The following SPON1 variants were observed in gnomAD, a reference collection of about 807,000 sequenced individuals.
The protein encoded by SPON1 is spondin 1.
A neutral mutation model predicts 111.7 loss-of-function variants in SPON1; 52 were observed. That is an observed-to-expected ratio of 0.47 (90% CI 0.37 to 0.59). The LOEUF (loss-of-function observed/expected upper bound fraction) is 0.59, where lower values mean the gene tolerates loss of function less well. SPON1 is among the 20% of genes least tolerant of loss of function. The probability of loss-of-function intolerance (pLI) is 0.00; values close to 1 mark genes in which losing one functional copy is unlikely to be tolerated. For synonymous variants in SPON1, 410 were observed against 395.8 expected, an observed-to-expected ratio of 1.04 and a Z score of -0.43; for missense variants, 957 against 1,068.5, an observed-to-expected ratio of 0.90 and a Z score of 1.46.
Position 13,963,071 on chromosome 11 carries a change from A to G in SPON1, c.167A>G (p.Glu56Gly). 6.4e-7 allele frequency: 1 copy of G among 1,572,588 alleles called. No homozygotes were observed. The highest frequency in any genetic ancestry group is 8.6e-7 in the Non-Finnish European group (1 of 1,161,332). The change falls in exon 1 of 16, where the codon GAG becomes GGG. Residue 56 changes from glutamate (E) to glycine (G), a missense_variant. Transcript: ENST00000576479. ...CTGCGCGCCCAGGGCACGCGGCGCG[A>G]GGGCTACACCGAGTTCAGCCTCCGC... Reference protein sequence around the residue: ...RILRAQGTRREGYTEFSLRVE... With the variant: ...RILRAQGTRRGGYTEFSLRVE...
intron 10 of SPON1, 85 bp downstream of exon 10, chr11:14,256,777 C>A: frequency 9.8e-7 from 1 of 1,018,148 alleles, no homozygotes; most frequent in Non-Finnish European, 1.5e-6. Flanking sequence ...TTTTAAGAAC[C>A]ATAAACCATG....
chr11:14,189,844 C>A (rs1554934392), intron 6 of SPON1, among the ~76,000 whole-genome samples: 2 of 152,142 alleles, frequency 1.3e-5, no homozygotes, highest in Non-Finnish European at 2.9e-5. Context: ...TGTTATTAAA[C>A]TACATCATTT....
chr11:14,203,150 T>C (rs1554935837), intron 6 of SPON1, among the ~76,000 whole-genome samples: 10 of 152,218 alleles, frequency 6.6e-5, no homozygotes, highest in Admixed American at 6.5e-4. Flanking sequence ...AAGCCAATAG[T>C]TACATTTCTA....
chr11:14,201,847 G>C (rs928193838), intron 6 of SPON1, among the ~76,000 whole-genome samples: 3 of 152,076 alleles, frequency 2.0e-5, no homozygotes, highest in Non-Finnish European at 2.9e-5. Flanking sequence ...GTGAAGTGGT[G>C]GGGGGAGTCC....
Position 14,265,606 on chromosome 11 carries a change from A to G in SPON1, c.2343A>G (p.Val781=). Residue 781 remains valine, a synonymous_variant, in exon 16 of 16, where the codon GTA becomes GTG. Transcript: ENST00000576479. ...GGGIQERYMT[V]KKRFKSSQFT... The stretch of plus-strand genomic sequence containing the variant: ...GAATTCAGGAACGTTACATGACTGT[A>G]AAGAAGAGATTCAAAAGCTCCCAGT... 6.2e-7 allele frequency: 1 copy of G among 1,613,774 alleles called. No individual in the cohort carries two copies. Among genetic ancestry groups the G allele is most frequent in the Non-Finnish European group, 8.5e-7 (1 of 1,179,810 alleles).
chr11:14,169,796 A>C (rs1481874984), intron 6 of SPON1, among the ~76,000 whole-genome samples: 1 of 152,164 alleles, frequency 6.6e-6, no homozygotes, highest in South Asian at 2.1e-4. Flanking sequence ...GTCAAAGATC[A>C]GATAGTTGTA....
chr11:14,264,155 T>C (rs1849229264), intron 15 of SPON1, among the ~76,000 whole-genome samples: 1 of 151,898 alleles, frequency 6.6e-6, no homozygotes, highest in Non-Finnish European at 1.5e-5. Flanking sequence ...GGGATGCAGA[T>C]GAAGCACAGA....
intron 5 of SPON1, among the ~76,000 whole-genome samples, chr11:14,094,328 G>C (rs1427710536): frequency 6.6e-6 from 1 of 151,914 alleles, no homozygotes; most frequent in Non-Finnish European, 1.5e-5. Flanking sequence ...CTGGATCAAA[G>C]GATATGGATT....
intron 6 of SPON1, among the ~76,000 whole-genome samples, chr11:14,159,505 C>T (rs1847885911): frequency 6.6e-6 from 1 of 152,086 alleles, no homozygotes; most frequent in African/African-American, 2.4e-5. Context: ...AATAGGGATA[C>T]TATATGATTC....
chr11:14,253,880 C>T (rs1027685271), intron 7 of SPON1, among the ~76,000 whole-genome samples: 5 of 152,208 alleles, frequency 3.3e-5, no homozygotes, highest in Non-Finnish European at 5.9e-5. Flanking sequence ...GAATGTGACT[C>T]TTTCCTTTCC....
Position 14,136,577 on chromosome 11 carries a change from T to A in SPON1, c.825+1009T>A, listed in dbSNP as rs141645123. Among the ~76,000 whole-genome samples the A allele has an allele frequency of 2.3e-3, 355 of 152,154 alleles. 1 individual carries two copies. Among genetic ancestry groups the A allele is most frequent in the African/African-American group, 7.8e-3 (322 of 41,494 alleles). On this transcript the variant is annotated intron_variant, in intron 6 of 15. Coordinates refer to ENST00000576479, the MANE Select transcript of SPON1 (RefSeq NM_006108.4). ...CTGAGGCCCGCAGTGTTCCCCACCATCTGGACTCCAAGCTGCCCACAGACC... is the reference window on the plus strand; with the variant it reads ...CTGAGGCCCGCAGTGTTCCCCACCAACTGGACTCCAAGCTGCCCACAGACC...
intron 5 of SPON1, among the ~76,000 whole-genome samples, chr11:14,123,644 G>A (rs1847422513): frequency 6.6e-6 from 1 of 152,182 alleles, no homozygotes; most frequent in Admixed American, 6.5e-5. Flanking sequence ...AAAGATTTAA[G>A]GGGACTTCTA....
chr11:14,054,796 TG>T (rs1554918986), intron 3 of SPON1, among the ~76,000 whole-genome samples: 1 of 152,142 alleles, frequency 6.6e-6, no homozygotes, highest in East Asian at 1.9e-4. Context: ...TCAGAGCCCT[TG>T]GAACAGCAGC....
intron 2 of SPON1, among the ~76,000 whole-genome samples, chr11:14,010,564 C>T (rs1235728196): frequency 1.3e-5 from 2 of 152,108 alleles, no homozygotes; most frequent in Non-Finnish European, 2.9e-5. Context: ...CTCCTGCTGG[C>T]CTAGGCCAAG....
At chr11:14,234,913 G>C (rs782088251) in intron 6 of SPON1, among the ~76,000 whole-genome samples, 9 of 152,246 alleles carry the variant, frequency 5.9e-5, no homozygotes, top group Non-Finnish European at 1.2e-4. Context: ...CTCTAAAATA[G>C]TTGATCAGAC....
At chr11:14,173,397 A>AT (rs1203781275) in intron 6 of SPON1, among the ~76,000 whole-genome samples, 46 of 151,690 alleles carry the variant, frequency 3.0e-4, no homozygotes, top group Admixed American at 2.9e-3. Flanking sequence ...CATTCATCTA[A>AT]TTTTTTTTCA....
At chr11:14,125,633 G>T (rs1409424342) in intron 5 of SPON1, among the ~76,000 whole-genome samples, 1 of 152,226 alleles carries the variant, frequency 6.6e-6, no homozygotes, top group Non-Finnish European at 1.5e-5. Flanking sequence ...TCAAGGAAAT[G>T]AATAGGTGGC....
At chr11:14,054,539 A>G (rs1396692579) in intron 3 of SPON1, among the ~76,000 whole-genome samples, 2 of 151,588 alleles carry the variant, frequency 1.3e-5, no homozygotes, top group Non-Finnish European at 2.9e-5. Flanking sequence ...ATCATCTCCT[A>G]CATGGTCCAA....
intron 7 of SPON1, among the ~76,000 whole-genome samples, chr11:14,245,814 G>T (rs1267527419): frequency 6.6e-6 from 1 of 152,184 alleles, no homozygotes. Context: ...CCCAGGAAAT[G>T]CCTTGCCCTC....
Sources: gnomAD v4.1 joint callset for allele counts (sites outside exome capture counted in the v4.1 genomes callset) on GRCh38, gnomAD v4.1.1 for gene constraint, MANE v1.5 for transcripts, NCBI Gene and HGNC (gene_info 2026-07-23, HGNC 2026-07-21) for gene names.